Variants in NKAIN2 observed in about 807,000 individuals in gnomAD.
NKAIN2 encodes sodium/potassium transporting ATPase interacting 2, also known as sodium/potassium-transporting ATPase subunit beta-1-interacting protein 2.
NKAIN2 carries 14 observed loss-of-function variants against 32.6 expected under a neutral mutation model. That is an observed-to-expected ratio of 0.43 (90% CI 0.28 to 0.67). The LOEUF (loss-of-function observed/expected upper bound fraction) is 0.67, where lower values mean the gene tolerates loss of function less well. Ranked by LOEUF, NKAIN2 falls within the 30% of genes least tolerant of loss-of-function variation. The probability of loss-of-function intolerance (pLI) is 0.17; values close to 1 mark genes in which losing one functional copy is unlikely to be tolerated. For synonymous variants in NKAIN2, 80 were observed against 87.2 expected (o/e 0.92, Z 0.46); for missense variants, 198 against 258.3 (o/e 0.77, Z 1.60).
intron 1 of NKAIN2, among the ~76,000 whole-genome samples, chr6:124,206,165 T>G (rs958456989): frequency 1.3e-4 from 19 of 151,954 alleles, no homozygotes; most frequent in Admixed American, 7.2e-4. Context: ...AGCCATCAAG[T>G]GTAATTTTCT....
intron 1 of NKAIN2, among the ~76,000 whole-genome samples, chr6:123,879,424 T>C (rs1469433242): frequency 2.6e-5 from 4 of 152,190 alleles, no homozygotes; most frequent in Non-Finnish European, 4.4e-5. Flanking sequence ...TAAGTTGCTA[T>C]AACAAAGAAA....
chr6:124,482,906 G>A (rs537330181), intron 3 of NKAIN2, among the ~76,000 whole-genome samples: 6 of 152,248 alleles, frequency 3.9e-5, no homozygotes, highest in South Asian at 2.1e-4. Flanking sequence ...AGGCCGAGGC[G>A]GGCGGATCAC....
At chr6:124,578,977 A>G (rs1781430178) in intron 3 of NKAIN2, among the ~76,000 whole-genome samples, 1 of 152,238 alleles carries the variant, frequency 6.6e-6, no homozygotes, top group Non-Finnish European at 1.5e-5. Context: ...CTAGATCTTA[A>G]CTAAGACCAT....
chr6:124,512,979 G>C (rs1489816455), intron 3 of NKAIN2, among the ~76,000 whole-genome samples: 1 of 151,032 alleles, frequency 6.6e-6, no homozygotes, highest in African/African-American at 2.4e-5. Context: ...TGAGGCTGTT[G>C]AAAAAAAAAT....
At chr6:124,000,717 G>A (rs1779845441) in intron 1 of NKAIN2, among the ~76,000 whole-genome samples, 1 of 152,032 alleles carries the variant, frequency 6.6e-6, no homozygotes, top group African/African-American at 2.4e-5. Flanking sequence ...ACTAGGTAAT[G>A]GGGTACATCT....
intron 3 of NKAIN2, among the ~76,000 whole-genome samples, chr6:124,449,940 T>A (rs1776034822): frequency 6.6e-6 from 1 of 152,116 alleles, no homozygotes; most frequent in Non-Finnish European, 1.5e-5. Flanking sequence ...TTTGGTTTAT[T>A]TTTTGTCCAG....
At chr6:124,596,665 T>C (rs796838266) in intron 3 of NKAIN2, among the ~76,000 whole-genome samples, 999 of 80,404 alleles carry the variant, frequency 0.012, 4 homozygotes, top group African/African-American at 0.047. Flanking sequence ...AACCATAGGG[T>C]GTGTGTGTGT....
intron 1 of NKAIN2, among the ~76,000 whole-genome samples, chr6:124,124,488 C>CT (rs1366322342): frequency 6.6e-6 from 1 of 152,060 alleles, no homozygotes; most frequent in Non-Finnish European, 1.5e-5. Context: ...ATAGCTACTT[C>CT]TTTTTTCCTT....
chr6:124,558,379 G>A (rs939087410), intron 3 of NKAIN2, among the ~76,000 whole-genome samples: 1 of 152,056 alleles, frequency 6.6e-6, no homozygotes, highest in Non-Finnish European at 1.5e-5. Flanking sequence ...AGGTTAGTCA[G>A]TCTCACCCCC....
chr6:124,075,526 G>A (rs1405800155), intron 1 of NKAIN2, among the ~76,000 whole-genome samples: 1 of 152,146 alleles, frequency 6.6e-6, no homozygotes, highest in Non-Finnish European at 1.5e-5. Context: ...CCATCCTACT[G>A]TGAATTCTAA....
chr6:124,090,907 C>T (rs972093929), intron 1 of NKAIN2, among the ~76,000 whole-genome samples: 2 of 151,898 alleles, frequency 1.3e-5, no homozygotes, highest in African/African-American at 4.8e-5. Context: ...CTATGCTGGG[C>T]CCATAGGAAG....
chr6:123,949,209 T>A (rs2114578229), intron 1 of NKAIN2, among the ~76,000 whole-genome samples: 1 of 152,124 alleles, frequency 6.6e-6, no homozygotes, highest in Non-Finnish European at 1.5e-5. Context: ...GGCATCATAC[T>A]ACCTGACTTG....
chr6:124,207,976 A>C (rs1168506045), intron 1 of NKAIN2, among the ~76,000 whole-genome samples: 1 of 151,938 alleles, frequency 6.6e-6, no homozygotes, highest in Admixed American at 6.6e-5. Context: ...GCTGAATATT[A>C]TATTTGTCTG....
chr6:124,707,289 C>T (rs1030261833), intron 4 of NKAIN2, among the ~76,000 whole-genome samples: 4 of 151,986 alleles, frequency 2.6e-5, no homozygotes, highest in South Asian at 4.1e-4. Context: ...TGAATACTGC[C>T]GCAATAAACA....
chr6:124,226,634 T>G (rs1792126400), intron 1 of NKAIN2, among the ~76,000 whole-genome samples: 1 of 152,064 alleles, frequency 6.6e-6, no homozygotes, highest in Non-Finnish European at 1.5e-5. Flanking sequence ...TATATTATTA[T>G]TTTTTGACTT....
intron 1 of NKAIN2, among the ~76,000 whole-genome samples, chr6:123,830,327 T>C (rs143745144): frequency 1.0e-3 from 157 of 152,292 alleles, no homozygotes; most frequent in Middle Eastern, 0.01. Flanking sequence ...TCCCTGCTGT[T>C]AACACTTCAA....
intron 3 of NKAIN2, among the ~76,000 whole-genome samples, chr6:124,574,343 C>T (rs1175369258): frequency 6.6e-6 from 1 of 151,424 alleles, no homozygotes; most frequent in African/African-American, 2.4e-5. Context: ...TGAGGTTGGG[C>T]ACAGTGGCTC....
chr6:123,904,940 C>T (rs1774790098), intron 1 of NKAIN2, among the ~76,000 whole-genome samples: 1 of 152,066 alleles, frequency 6.6e-6, no homozygotes, highest in Admixed American at 6.6e-5. Flanking sequence ...TTATATTTTT[C>T]AGAAATCAAT....
chr6:124,212,967 T>G (rs1458413103), intron 1 of NKAIN2, among the ~76,000 whole-genome samples: 12 of 152,148 alleles, frequency 7.9e-5, no homozygotes, highest in Non-Finnish European at 1.5e-5. Context: ...ATTGGACTAT[T>G]GAATGTTTAT....
Sources: gnomAD v4.1 joint callset for allele counts (sites outside exome capture counted in the v4.1 genomes callset) on GRCh38, gnomAD v4.1.1 for gene constraint, MANE v1.5 for transcripts, NCBI Gene and HGNC (gene_info 2026-07-23, HGNC 2026-07-21) for gene names.